Variants in MYZAP observed in about 807,000 individuals in gnomAD.
The protein encoded by MYZAP is GRINL1A complex locus upstream.
Under a neutral mutation model 69.4 loss-of-function variants are expected in MYZAP, and 66 were observed. That is an observed-to-expected ratio of 0.95 (90% CI 0.78 to 1.17). The LOEUF (loss-of-function observed/expected upper bound fraction) is 1.17. MYZAP is among the 50% of genes most tolerant of loss of function. The probability of loss-of-function intolerance (pLI) is 0.00; values close to 1 mark genes in which losing one functional copy is unlikely to be tolerated. For synonymous variants in MYZAP, 256 were observed against 205.9 expected (o/e 1.24, Z -2.09); for missense variants, 611 against 556.2 (o/e 1.10, Z -0.99).
In MYZAP at chr15:57,592,534, C is replaced by T. The variant is rs531523462; in HGVS notation, c.75+425C>T. Among the ~76,000 whole-genome samples the T allele has an allele frequency of 1.2e-4, 19 of 152,204 alleles. No individual in the cohort carries two copies. The South Asian group carries it at 3.3e-3, about 27-fold the overall frequency. Reference sequence around the variant, plus strand: ...CTTGTGTCCACTAGTGATAGGGTATCCACTAGTGATAGGGTAATTCTGGAG... The same window carrying T: ...CTTGTGTCCACTAGTGATAGGGTATTCACTAGTGATAGGGTAATTCTGGAG... On this transcript the variant is annotated intron_variant, in intron 1 of 12. Transcript: ENST00000267853.
chr15:57,643,110 G>C (rs967332331), intron 10 of MYZAP, among the ~76,000 whole-genome samples: 7 of 152,118 alleles, frequency 4.6e-5, no homozygotes, highest in Admixed American at 1.3e-4. Context: ...ATAAAAATGA[G>C]AGAACAAAGC....
At chr15:57,654,168 C>T (rs1196409081) in intron 10 of MYZAP, among the ~76,000 whole-genome samples, 1 of 152,082 alleles carries the variant, frequency 6.6e-6, no homozygotes, top group African/African-American at 2.4e-5. Context: ...ACTGGAGCCA[C>T]CTCAGCCTAA....
At chr15:57,630,759 T>G (rs1446395434) in intron 6 of MYZAP, among the ~76,000 whole-genome samples, 18 of 152,248 alleles carry the variant, frequency 1.2e-4, no homozygotes, top group African/African-American at 4.3e-4. Flanking sequence ...CTTGGATGAA[T>G]TCCTTTTTAT....
chr15:57,603,356 T>C (rs1291337039), intron 1 of MYZAP, among the ~76,000 whole-genome samples: 2 of 152,222 alleles, frequency 1.3e-5, no homozygotes, highest in Non-Finnish European at 2.9e-5. Flanking sequence ...ATTTACCATT[T>C]TGACCCTTTT....
In MYZAP at chr15:57,629,812, G is replaced by T. The variant is rs745798322; in HGVS notation, c.636G>T (p.Gln212His). 6.2e-7 allele frequency: 1 copy of T among 1,614,046 alleles called. No homozygotes were observed. The highest frequency in any genetic ancestry group is 2.2e-5 in the East Asian group (1 of 44,870). Reference protein sequence around the residue: ...SMDKLREKQRQLEVAQVENQL... With the variant: ...SMDKLREKQRHLEVAQVENQL... ...ACAAGCTGAGGGAAAAGCAGAGGCAGTTGGAGGTAGCGCAAGTTGAAAACC... is the reference window on the plus strand; with the variant it reads ...ACAAGCTGAGGGAAAAGCAGAGGCATTTGGAGGTAGCGCAAGTTGAAAACC... The change falls in exon 6 of 13, where the codon CAG becomes CAT. Residue 212 changes from glutamine to histidine, a missense_variant. Physicochemically the swap from Gln to His is conservative, Grantham distance 24 (BLOSUM62 0). Transcript: ENST00000267853.
intron 10 of MYZAP, among the ~76,000 whole-genome samples, chr15:57,640,717 A>G (rs917443124): frequency 6.6e-6 from 1 of 152,226 alleles, no homozygotes; most frequent in Non-Finnish European, 1.5e-5. Flanking sequence ...ATAAACATAC[A>G]CATTAGATAA....
chr15:57,658,006 T>G (rs2038089020), intron 10 of MYZAP, among the ~76,000 whole-genome samples: 1 of 152,178 alleles, frequency 6.6e-6, no homozygotes, highest in African/African-American at 2.4e-5. Flanking sequence ...TTATTAACAT[T>G]GGACATTTTT....
At position 57,633,740 on chromosome 15, in the gene MYZAP, AG is replaced by A; in HGVS notation, c.933+1del. The A allele has an allele frequency of 6.2e-7, 1 of 1,602,144 alleles. No individual in the cohort carries two copies. The highest frequency in any genetic ancestry group is 8.5e-7 in the Non-Finnish European group (1 of 1,174,378). ...GACAGGCTGATTGAGCGCATGGAAA[AG>A]GTAGGACACAGCGTTGGGCCTATTG... Reference protein sequence around the residue: ...ELDRLIERMEKERHQLQLQLL... With the variant: ...ELDRLIERMEXERHQLQLQLL... On this transcript the variant is annotated frameshift_variant and splice_region_variant, in exon 8 of 13. Coordinates refer to ENST00000267853, the MANE Select transcript of MYZAP (RefSeq NM_001018100.5). LOFTEE classifies it high-confidence loss of function.
intron 8 of MYZAP, among the ~76,000 whole-genome samples, chr15:57,636,547 G>T (rs2036827425): frequency 6.6e-6 from 1 of 152,186 alleles, no homozygotes; most frequent in African/African-American, 2.4e-5. Context: ...CGAACATAAA[G>T]ATGAGGAACA....
intron 1 of MYZAP, chr15:57,599,698 T>TC (rs1356978001): frequency 4.7e-6 from 6 of 1,289,116 alleles, no homozygotes; most frequent in Non-Finnish European, 6.1e-6. Context: ...CGTAAAATGC[T>TC]CGGAGGTAAG....
intron 9 of MYZAP, 84 bp from the exon 10 acceptor site, chr15:57,639,356 A>G: frequency 4.8e-6 from 7 of 1,443,806 alleles, no homozygotes; most frequent in Non-Finnish European, 6.7e-6. Context: ...GCTCTTGGCA[A>G]TATTCTTTAA....
chr15:57,644,038 G>C (rs1270190434), intron 10 of MYZAP, among the ~76,000 whole-genome samples: 1 of 152,230 alleles, frequency 6.6e-6, no homozygotes, highest in Non-Finnish European at 1.5e-5. Context: ...GGAATCACCT[G>C]GGGAGCTTTA....
At chr15:57,641,447 T>A (rs1342126304) in intron 10 of MYZAP, among the ~76,000 whole-genome samples, 4 of 152,164 alleles carry the variant, frequency 2.6e-5, no homozygotes, top group African/African-American at 4.8e-5. Flanking sequence ...TAGGGATGCA[T>A]ATAAAGATCA....
chr15:57,629,971 A>ATTT lies in MYZAP; in HGVS notation c.678+130_678+132dup, dbSNP rs59322468. On this transcript the variant is annotated intron_variant, in intron 6 of 12. Coordinates refer to ENST00000267853, the MANE Select transcript of MYZAP (RefSeq NM_001018100.5). ...TTTTCTCCATTCTCTTCTTCATTGG[A>ATTT]TTTTTTTTTTTTTTTGAGACAGAGT... is the stretch of plus-strand genomic sequence containing the variant. 1,730 of 874,434 alleles carry ATTT rather than the reference A, an allele frequency of 2.0e-3. 7 individuals carry two copies. The highest frequency in any genetic ancestry group is 2.4e-3 in the Non-Finnish European group (1,539 of 650,570). The allele number at this position is 874,434 out of a possible 1,614,324, so 54.2% of individuals were successfully genotyped here.
intron 9 of MYZAP, 143 bp downstream of exon 9, chr15:57,637,917 T>G (rs1257754245): frequency 4.6e-6 from 4 of 867,216 alleles, no homozygotes; most frequent in Non-Finnish European, 6.9e-6. Flanking sequence ...GGGCTGAGAG[T>G]TTCCAATATG....
intron 11 of MYZAP, among the ~76,000 whole-genome samples, chr15:57,671,891 C>A (rs1002659615): frequency 1.3e-5 from 2 of 152,008 alleles, no homozygotes; most frequent in Admixed American, 1.3e-4. Flanking sequence ...TTCTCTTTTC[C>A]CTTAGGAGTG....
chr15:57,625,065 T>C (rs1488807928), intron 4 of MYZAP, among the ~76,000 whole-genome samples: 3 of 152,012 alleles, frequency 2.0e-5, no homozygotes, highest in African/African-American at 7.3e-5. Flanking sequence ...CTTTTTTTTT[T>C]TTTTTAAATG....
intron 10 of MYZAP, among the ~76,000 whole-genome samples, chr15:57,641,175 A>G (rs976188733): frequency 1.3e-5 from 2 of 152,212 alleles, no homozygotes; most frequent in African/African-American, 4.8e-5. Flanking sequence ...ACTATTGAAC[A>G]AAACCTCATA....
chr15:57,606,229 A>G (rs766668697), intron 2 of MYZAP, among the ~76,000 whole-genome samples: 1 of 152,184 alleles, frequency 6.6e-6, no homozygotes, highest in Non-Finnish European at 1.5e-5. Flanking sequence ...GATCCAACCT[A>G]ACTTCACCAA....
Sources: gnomAD v4.1 joint callset for allele counts (sites outside exome capture counted in the v4.1 genomes callset) on GRCh38, gnomAD v4.1.1 for gene constraint, MANE v1.5 for transcripts, NCBI Gene and HGNC (gene_info 2026-07-23, HGNC 2026-07-21) for gene names.